The following PRKX variants were observed in gnomAD, a reference collection of about 807,000 sequenced individuals.
The protein encoded by PRKX is cAMP-dependent protein kinase catalytic subunit PRKX.
In PRKX, 12 loss-of-function variants were observed where a neutral mutation model predicts 22.0. That is an observed-to-expected ratio of 0.54 (90% confidence interval 0.35 to 0.88). The LOEUF (loss-of-function observed/expected upper bound fraction) is 0.88. Among genes scored for constraint, PRKX ranks in the 40% least tolerant of loss-of-function variants. The pLI is 0.01. For synonymous variants in PRKX, 134 were observed against 137.7 expected (o/e 0.97, Z 0.19); for missense variants, 217 against 308.0 (o/e 0.70, Z 2.21).
chrX:3,647,988 T>C (rs1927226007), intron 3 of PRKX, among the ~76,000 whole-genome samples: 1 of 111,646 alleles, frequency 9.0e-6, no homozygotes, highest in Non-Finnish European at 1.9e-5. Flanking sequence ...GAGACCTTTT[T>C]GGTCTGGCTT....
In PRKX at chrX:3,667,145, G is replaced by T. The variant is rs185479704; in HGVS notation, c.335+7453C>A. The T allele has an allele frequency of 1.0e-3, 112 of 111,464 alleles. 1 individual carries two copies. The highest frequency in any genetic ancestry group is 3.5e-3 in the African/African-American group (106 of 30,701). The allele number at this position is 111,464 out of a possible 1,213,427, so 9.2% of individuals were successfully genotyped here. ...CCTCTCCAGTGACCTCAGCTGAGCA[G>T]CTCTGTCCTCATCTTTAGCTGACAG... On this transcript the variant is annotated intron_variant, in intron 2 of 8. Transcript: ENST00000262848.
intron 3 of PRKX, among the ~76,000 whole-genome samples, chrX:3,644,234 C>CAAA (rs35016428): frequency 6.7e-5 from 3 of 45,071 alleles, no homozygotes; most frequent in African/African-American, 2.0e-4. Flanking sequence ...CACTCCTTTA[C>CAAA]AAAAAAAAAA....
chrX:3,618,438 C>T (rs1405810036), intron 6 of PRKX, among the ~76,000 whole-genome samples: 2 of 97,192 alleles, frequency 2.1e-5, no homozygotes, highest in East Asian at 3.3e-4. Context: ...GGCAACACAT[C>T]AAGACCCCAA....
intron 1 of PRKX, among the ~76,000 whole-genome samples, chrX:3,702,470 A>C (rs1409095795): frequency 9.1e-6 from 1 of 110,234 alleles, no homozygotes; most frequent in African/African-American, 3.3e-5. Context: ...AACATCCAAA[A>C]TAACTACCTC....
chrX:3,703,826 G>C (rs1454579651), intron 1 of PRKX, among the ~76,000 whole-genome samples: 4 of 108,224 alleles, frequency 3.7e-5, no homozygotes, highest in East Asian at 2.9e-4. Flanking sequence ...CACCCACTAC[G>C]GTGCCCAGCT....
chrX:3,619,965 T>C (rs1483236043), intron 6 of PRKX, among the ~76,000 whole-genome samples: 1 of 111,849 alleles, frequency 8.9e-6, no homozygotes, highest in East Asian at 2.8e-4. Context: ...AAAAAGTCCA[T>C]GAATTCTGTC....
At chrX:3,637,422 G>A (rs905284972) in intron 4 of PRKX, among the ~76,000 whole-genome samples, 9 of 111,401 alleles carry the variant, frequency 8.1e-5, no homozygotes, top group Non-Finnish European at 1.7e-4. Context: ...CCAGGAAAAT[G>A]TACTGCAGGC....
intron 1 of PRKX, among the ~76,000 whole-genome samples, chrX:3,703,673 T>G (rs1435554855): frequency 5.2e-5 from 5 of 95,670 alleles, no homozygotes; most frequent in Non-Finnish European, 6.3e-5. Context: ...TTGGTTGTTT[T>G]TTTTTTTTTT....
intron 2 of PRKX, among the ~76,000 whole-genome samples, chrX:3,662,340 G>A (rs1184214673): frequency 3.6e-5 from 4 of 110,956 alleles, no homozygotes; most frequent in African/African-American, 6.6e-5. Flanking sequence ...GTGGCAGATC[G>A]CTTGAGCCCA....
intron 6 of PRKX, among the ~76,000 whole-genome samples, chrX:3,621,016 G>A (rs184692536): frequency 9.0e-6 from 1 of 111,492 alleles, no homozygotes; most frequent in East Asian, 2.8e-4. Context: ...TTGCTTGAGG[G>A]GAGGGGAGAT....
intron 4 of PRKX, among the ~76,000 whole-genome samples, chrX:3,631,275 A>C (rs1230833495): frequency 1.8e-5 from 2 of 112,634 alleles, no homozygotes; most frequent in Non-Finnish European, 3.7e-5. Context: ...CAGGGTTTTC[A>C]CAGATAGAAT....
At chrX:3,612,356 G>C (rs1274319486) in intron 7 of PRKX, 31 bp from the exon 8 acceptor site, 1 of 1,191,049 alleles carries the variant, frequency 8.4e-7, no homozygotes, top group African/African-American at 1.8e-5. Flanking sequence ...ACAAAGGCAT[G>C]GTTAGAAAGG....
intron 1 of PRKX, among the ~76,000 whole-genome samples, chrX:3,709,009 T>C (rs1418050250): frequency 9.2e-6 from 1 of 109,004 alleles, no homozygotes; most frequent in Non-Finnish European, 1.9e-5. Flanking sequence ...TGAGCACCTT[T>C]TGAAAACTAA....
At chrX:3,637,142 A>AAAGGG (rs762808165) in intron 4 of PRKX, among the ~76,000 whole-genome samples, 2 of 107,468 alleles carry the variant, frequency 1.9e-5, no homozygotes, top group South Asian at 8.6e-4. Context: ...GAAGGAAAGG[A>AAAGGG]AAGGGAAAAA....
chrX:3,617,009 C>T (rs1926433904), intron 6 of PRKX, among the ~76,000 whole-genome samples: 1 of 111,009 alleles, frequency 9.0e-6, no homozygotes, highest in African/African-American at 3.3e-5. Flanking sequence ...CATATATACA[C>T]ACATAGATTG....
chrX:3,698,558 GTGTTT>G (rs1314804649), intron 1 of PRKX, among the ~76,000 whole-genome samples: 1 of 110,442 alleles, frequency 9.1e-6, no homozygotes, highest in Non-Finnish European at 1.9e-5. Context: ...TTTTCTACAT[GTGTTT>G]TGTTTTTTGT....
intron 1 of PRKX, among the ~76,000 whole-genome samples, chrX:3,700,663 C>A (rs1184389680): frequency 1.8e-5 from 2 of 111,110 alleles, no homozygotes; most frequent in Admixed American, 1.9e-4. Flanking sequence ...ACTTCGACCT[C>A]GACCTCTTGG....
chrX:3,670,336 T>G (rs865793926), intron 2 of PRKX: 4 of 123,180 alleles, frequency 3.2e-5, no homozygotes, highest in Admixed American at 9.5e-5. Flanking sequence ...TCTCGTGTTA[T>G]GTACAGGGAA....
chrX:3,671,611 T>A (rs189116990), intron 2 of PRKX, among the ~76,000 whole-genome samples: 1 of 111,896 alleles, frequency 8.9e-6, no homozygotes, highest in East Asian at 2.8e-4. Flanking sequence ...GCCGGTGAGC[T>A]GTACGGGCAA....
Sources: allele counts gnomAD v4.1 joint callset (sites outside exome capture counted in the v4.1 genomes callset), GRCh38; gene constraint gnomAD v4.1.1; transcripts MANE v1.5; gene names NCBI Gene and HGNC (gene_info 2026-07-23, HGNC 2026-07-21).